The following HDAC8 variants were observed in gnomAD, a reference collection of about 807,000 sequenced individuals.
HDAC8 encodes the protein histone deacetylase-like 1.
HDAC8 carries 1 observed loss-of-function variant against 32.2 expected under a neutral mutation model. The ratio of observed to expected loss-of-function variants is 0.03; its 90% CI spans 0.01 to 0.15. The LOEUF (loss-of-function observed/expected upper bound fraction) is 0.15, where lower values mean the gene tolerates loss of function less well. Ranked by LOEUF, HDAC8 falls within the 10% of genes least tolerant of loss-of-function variation. The pLI is 1.00. For synonymous variants in HDAC8, 108 were observed against 113.9 expected, an observed-to-expected ratio of 0.95 and a Z score of 0.33; for missense variants, 117 against 300.0, an observed-to-expected ratio of 0.39 and a Z score of 4.51.
At chrX:72,561,265 C>T (rs926057933) in intron 4 of HDAC8, among the ~76,000 whole-genome samples, 1 of 112,120 alleles carries the variant, frequency 8.9e-6, no homozygotes, top group Non-Finnish European at 1.9e-5. Flanking sequence ...AATCTGGAGG[C>T]ATCACATTAC....
chrX:72,550,000 C>T (rs1480766885), intron 4 of HDAC8, among the ~76,000 whole-genome samples: 1 of 112,022 alleles, frequency 8.9e-6, no homozygotes, highest in Non-Finnish European at 1.9e-5. Context: ...TCAGTGACTT[C>T]TCACTGTCTA....
intron 7 of HDAC8, chrX:72,466,914 A>C (rs1358669699): frequency 3.6e-5 from 4 of 111,768 alleles, no homozygotes; most frequent in African/African-American, 1.3e-4. Flanking sequence ...TACATGCAAA[A>C]AATCTGGGTG....
At chrX:72,387,024 C>T (rs1238671581) in intron 9 of HDAC8, among the ~76,000 whole-genome samples, 1 of 112,068 alleles carries the variant, frequency 8.9e-6, no homozygotes, top group Non-Finnish European at 1.9e-5. Flanking sequence ...ACCTCTCTTT[C>T]TTGAGGGAAT....
At chrX:72,516,187 A>G (rs928904125) in intron 4 of HDAC8, among the ~76,000 whole-genome samples, 3 of 112,195 alleles carry the variant, frequency 2.7e-5, no homozygotes, top group African/African-American at 9.7e-5. Context: ...GGAGAAATTT[A>G]TTAACAGTAA....
chrX:72,451,021 G>GA (rs782589541), intron 9 of HDAC8, among the ~76,000 whole-genome samples: 3 of 109,652 alleles, frequency 2.7e-5, no homozygotes, highest in Admixed American at 9.7e-5. Context: ...TACAAAATCT[G>GA]AAAAAAAATC....
At chrX:72,524,734 G>A (rs2050085458) in intron 4 of HDAC8, among the ~76,000 whole-genome samples, 2 of 110,972 alleles carry the variant, frequency 1.8e-5, no homozygotes. Context: ...CATCATCCCA[G>A]AATGCCACGC....
At chrX:72,397,743 G>A (rs1265905642) in intron 9 of HDAC8, among the ~76,000 whole-genome samples, 3 of 112,099 alleles carry the variant, frequency 2.7e-5, no homozygotes, top group South Asian at 3.7e-4. Flanking sequence ...GTAAATATTG[G>A]TATCACACTA....
At chrX:72,353,874 G>C (rs2044251758) in intron 9 of HDAC8, among the ~76,000 whole-genome samples, 1 of 112,113 alleles carries the variant, frequency 8.9e-6, no homozygotes, top group Admixed American at 9.4e-5. Flanking sequence ...TAGGAGGAGG[G>C]AATGTTCTGC....
At chrX:72,379,349 C>G (rs1555959241) in intron 9 of HDAC8, among the ~76,000 whole-genome samples, 2 of 110,727 alleles carry the variant, frequency 1.8e-5, no homozygotes, top group Non-Finnish European at 3.8e-5. Flanking sequence ...ATGTATTCAC[C>G]TTTTCTTGTT....
At position 72,469,556 on chromosome X, in the gene HDAC8, T is replaced by A. The variant is rs903393468; in HGVS notation, c.738-4825A>T. ...TTAGCACCCTAGTTCCCTCACACCT[T>A]TGCCATTTTTGCCTTGTCAGTCCTT... is the stretch of plus-strand genomic sequence containing the variant. On this transcript the variant is annotated intron_variant, in intron 7 of 10. Coordinates refer to ENST00000373573, the MANE Select transcript of HDAC8 (RefSeq NM_018486.3). Among the ~76,000 whole-genome samples, 4 of 112,196 alleles carry A rather than the reference T, an allele frequency of 3.6e-5. No homozygotes were observed. The Admixed American group carries it at 3.8e-4, about 11-fold the overall frequency.
chrX:72,494,870 C>A (rs1258923075), intron 5 of HDAC8, among the ~76,000 whole-genome samples: 1 of 111,369 alleles, frequency 9.0e-6, no homozygotes, highest in Non-Finnish European at 1.9e-5. Context: ...AGGGAGGTTA[C>A]TGAGCACTGG....
intron 9 of HDAC8, among the ~76,000 whole-genome samples, chrX:72,458,970 C>T (rs1569313991): frequency 8.9e-6 from 1 of 111,821 alleles, no homozygotes; most frequent in Non-Finnish European, 1.9e-5. Context: ...GTAATCTACA[C>T]ATAGCAAATT....
chrX:72,371,144 T>C (rs1227474826), intron 9 of HDAC8, among the ~76,000 whole-genome samples: 1 of 111,694 alleles, frequency 9.0e-6, no homozygotes, highest in Non-Finnish European at 1.9e-5. Flanking sequence ...TTATCAGCTA[T>C]GAAATGGTAT....
At chrX:72,365,523 G>A (rs2044673121) in intron 9 of HDAC8, among the ~76,000 whole-genome samples, 1 of 111,569 alleles carries the variant, frequency 9.0e-6, no homozygotes, top group Non-Finnish European at 1.9e-5. Flanking sequence ...AGGCTTCATG[G>A]AGGAGATGGG....
intron 10 of HDAC8, among the ~76,000 whole-genome samples, chrX:72,338,013 A>G (rs1341361782): frequency 8.9e-6 from 1 of 111,871 alleles, no homozygotes; most frequent in Non-Finnish European, 1.9e-5. Flanking sequence ...CCCCAAAGTC[A>G]CTTCTGAGAG....
In HDAC8 at chrX:72,572,080, T is replaced by C; in HGVS notation, c.141A>G (p.Ala47=). 1.7e-6 allele frequency: 2 copies of C among 1,195,393 alleles called. No individual in the cohort carries two copies. ...RASMVHSLIE[A]YALHKQMRIV... is the part of the protein sequence containing the mutation. Reference sequence around the variant, plus strand: ...ACCTCATCTGCTTATGCAGTGCATATGCTTCAATCAAAGAATGCACCATAC... The same window carrying C: ...ACCTCATCTGCTTATGCAGTGCATACGCTTCAATCAAAGAATGCACCATAC... The change falls in exon 2 of 11, where the codon GCA becomes GCG. Residue 47 remains alanine, a synonymous_variant. Transcript: ENST00000373573.
At chrX:72,503,007 C>A (rs2049275992) in intron 4 of HDAC8, among the ~76,000 whole-genome samples, 1 of 112,188 alleles carries the variant, frequency 8.9e-6, no homozygotes, top group Non-Finnish European at 1.9e-5. Flanking sequence ...ACCACAGAAA[C>A]TACACCTCTT....
chrX:72,562,436 A>G (rs782579734), intron 4 of HDAC8, among the ~76,000 whole-genome samples: 2 of 112,235 alleles, frequency 1.8e-5, no homozygotes, highest in Admixed American at 1.9e-4. Context: ...AGGAATGGAA[A>G]ACCAAACGTC....
chrX:72,331,140 T>C (rs1256087376), intron 10 of HDAC8, among the ~76,000 whole-genome samples: 1 of 108,852 alleles, frequency 9.2e-6, no homozygotes, highest in Non-Finnish European at 1.9e-5. Context: ...AGAGATGGGG[T>C]TTCACCATGC....
Sources: gnomAD v4.1 joint callset for allele counts (sites outside exome capture counted in the v4.1 genomes callset) on GRCh38, gnomAD v4.1.1 for gene constraint, MANE v1.5 for transcripts, NCBI Gene and HGNC (gene_info 2026-07-23, HGNC 2026-07-21) for gene names.